The following CACNA1G variants were observed in gnomAD, a reference collection of about 807,000 sequenced individuals.
CACNA1G encodes the protein calcium voltage-gated channel subunit alpha1 G.
In CACNA1G, 67 loss-of-function variants were observed where a neutral mutation model predicts 219.4. The ratio of observed to expected loss-of-function variants is 0.31; its 90% CI spans 0.25 to 0.37. The LOEUF is 0.37. Ranked by LOEUF, CACNA1G falls within the 10% of genes least tolerant of loss-of-function variation. The pLI is 1.00. For synonymous variants in CACNA1G, 1,296 were observed against 1,345.3 expected (o/e 0.96, Z 0.80); for missense variants, 2,380 against 3,231.4 (o/e 0.74, Z 6.39).
chr17:50,624,022 C>T lies in CACNA1G; in HGVS notation c.6176C>T (p.Thr2059Ile), dbSNP rs1223591288. The change falls in exon 36 of 38, where the codon ACT (threonine) becomes ATT (isoleucine). Residue 2059 changes from threonine to isoleucine, a missense_variant. Around this residue, in one of 17 missense-constraint regions of CACNA1G, gnomAD observed 672 missense variants for 670.5 expected, o/e 1.00. Coordinates refer to ENST00000359106, the MANE Select transcript of CACNA1G (RefSeq NM_018896.5). ...AGCTACATGTGTCGGCATGGGAGCA[C>T]TGCCGAGGGGCCCCTGGGACACAGG... is the stretch of plus-strand genomic sequence containing the variant. ...NDSYMCRHGS[T>I]AEGPLGHRGW... 2 of 1,612,976 alleles carry T rather than the reference C, an allele frequency of 1.2e-6. No homozygotes were observed. Among genetic ancestry groups the T allele is most frequent in the South Asian group, 2.2e-5 (2 of 91,070 alleles).
At chr17:50,574,246 A>G (rs58740148) in intron 7 of CACNA1G, among the ~76,000 whole-genome samples, 7,549 of 152,304 alleles carry the variant, frequency 0.05, 648 homozygotes, top group African/African-American at 0.17. Flanking sequence ...TGTCACCAAG[A>G]GGCCAACGAC....
In CACNA1G at chr17:50,626,506, G is replaced by T; in HGVS notation, c.6889G>T (p.Gly2297Trp). The T allele has an allele frequency of 1.3e-6, 2 of 1,579,190 alleles. No individual in the cohort carries two copies. The highest frequency in any genetic ancestry group is 1.4e-5 in the African/African-American group (1 of 73,314). Residue 2297 changes from glycine (G) to tryptophan (W), a missense_variant, in exon 38 of 38, where the codon GGG (glycine) becomes TGG (tryptophan). This residue lies in a region of CACNA1G where 672 missense variants were observed against 670.5 expected (regional missense o/e 1.00). Coordinates refer to ENST00000359106, the MANE Select transcript of CACNA1G (RefSeq NM_018896.5). The surrounding 1 kb of genome is among the most constrained non-coding windows in gnomAD (Gnocchi z 4.3). ...PSNLGGQPLG[G>W]PGSRPKKKLS... The stretch of plus-strand genomic sequence containing the variant: ...TAACCTTGGGGGCCAGCCTCTTGGG[G>T]GGCCTGGGAGCCGGCCCAAGAAAAA...
intron 7 of CACNA1G, 61 bp downstream of exon 7, chr17:50,573,174 TC>T: frequency 8.2e-7 from 1 of 1,223,754 alleles, no homozygotes; most frequent in Non-Finnish European, 1.2e-6. Flanking sequence ...GTGGGGGCAG[TC>T]CAGAGAGGGG....
At chr17:50,619,251 T>A (rs1362721903) in intron 33 of CACNA1G, among the ~76,000 whole-genome samples, 1 of 152,284 alleles carries the variant, frequency 6.6e-6, no homozygotes, top group Admixed American at 6.5e-5. Flanking sequence ...TCCAGCCTGG[T>A]CTGGCCTCCC....
Position 50,567,276 on chromosome 17 carries a change from G to T in CACNA1G, c.243-1594G>T, listed in dbSNP as rs555824255. 2.6e-4 allele frequency among the ~76,000 whole-genome samples: 40 copies of T among 152,284 alleles called. 1 individual carries two copies. The highest frequency in any genetic ancestry group is 7.8e-4 in the Admixed American group (12 of 15,308). ...CTCTTATTCTTGTGAGGGGGTGGGG[G>T]TTAGGGAAACTGCAGTGCATTAGGA... On this transcript the variant is annotated intron_variant, in intron 1 of 37. Coordinates refer to ENST00000359106, the MANE Select transcript of CACNA1G (RefSeq NM_018896.5).
chr17:50,604,984 A>T (rs1472089036), intron 22 of CACNA1G, among the ~76,000 whole-genome samples: 1 of 150,756 alleles, frequency 6.6e-6, no homozygotes, highest in Non-Finnish European at 1.5e-5. Flanking sequence ...TGGGATGTCC[A>T]CTCTGCCCTG....
At chr17:50,577,980 G>C (rs1293743359) in intron 8 of CACNA1G, among the ~76,000 whole-genome samples, 3 of 152,160 alleles carry the variant, frequency 2.0e-5, no homozygotes, top group East Asian at 3.9e-4. Context: ...AGCAGTGACT[G>C]TCAATGAAGT....
rs550406990 is a variant in CACNA1G at position 50,611,666 on chromosome 17, G to C, written c.4759+1731G>C. Among the ~76,000 whole-genome samples the C allele has an allele frequency of 1.7e-3, 266 of 152,292 alleles. 2 individuals are homozygous for C. Among genetic ancestry groups the C allele is most frequent in the African/African-American group, 6.4e-3 (266 of 41,550 alleles). ...GGATGAGGGGAGGGAGGGAAGAAGT[G>C]GCCTTCAGCTTTTCCCTTACGGGCC... On this transcript the variant is annotated intron_variant, in intron 26 of 37. Transcript: ENST00000359106.
Position 50,596,078 on chromosome 17 carries a change from G to T in CACNA1G, c.2980-484G>T, listed in dbSNP as rs2045484204. Among the ~76,000 whole-genome samples the T allele has an allele frequency of 6.6e-6, 1 of 152,122 alleles. No homozygotes were observed. The highest frequency in any genetic ancestry group is 1.5e-5 in the Non-Finnish European group (1 of 67,992). ...GGGACTGAAGTGGCGTCCTCGGGCT[G>T]AGCTGTTCTGTCTGGGGTCTTTCAA... is the stretch of plus-strand genomic sequence containing the variant. On this transcript the variant is annotated intron_variant, in intron 14 of 37. Coordinates refer to ENST00000359106, the MANE Select transcript of CACNA1G (RefSeq NM_018896.5). This position sits in a 1 kb window ranked among gnomAD's most constrained non-coding sequence, Gnocchi z 4.8.
chr17:50,578,173 A>C lies in CACNA1G; in HGVS notation c.1925-15A>C. 8 of 1,544,034 alleles carry C rather than the reference A, an allele frequency of 5.2e-6. No individual in the cohort carries two copies. The highest frequency in any genetic ancestry group is 6.1e-6 in the Non-Finnish European group (7 of 1,145,624). ...CGAGACTCTGGAGCCTCTCACCTCT[A>C]CTCTCCTGTTCCAGGTGCCTGCCAA... is the stretch of plus-strand genomic sequence containing the variant. On this transcript the variant is annotated splice_polypyrimidine_tract_variant and intron_variant, in intron 8 of 37. Coordinates refer to ENST00000359106, the MANE Select transcript of CACNA1G (RefSeq NM_018896.5). This position sits in a 1 kb window ranked among gnomAD's most constrained non-coding sequence, Gnocchi z 4.5.
chr17:50,561,139 G>C lies in CACNA1G; in HGVS notation c.-321G>C. The C allele has an allele frequency of 2.0e-6, 1 of 488,202 alleles. No individual in the cohort carries two copies. Among genetic ancestry groups the C allele is most frequent in the Non-Finnish European group, 3.9e-6 (1 of 258,346 alleles). 30.2% of individuals were successfully genotyped at this position (488,202 alleles called of 1,614,324 possible). A position where few individuals can be genotyped will look rare whatever the true frequency, so the allele number is the denominator to read the frequency against. ...CTTCGCCGAAGGTAGCGCCGAATCC[G>C]GCAACCGGAGCCTGGGCGCGAAGCG... is the stretch of plus-strand genomic sequence containing the variant. On this transcript the variant is annotated 5_prime_UTR_variant, in exon 1 of 38. Coordinates refer to ENST00000359106, the MANE Select transcript of CACNA1G (RefSeq NM_018896.5).
rs1334616204 is a variant in CACNA1G at position 50,618,327 on chromosome 17, G to T, written c.5411G>T (p.Trp1804Leu). 6.2e-7 allele frequency: 1 copy of T among 1,613,760 alleles called. No homozygotes were observed. Among genetic ancestry groups the T allele is most frequent in the African/African-American group, 1.3e-5 (1 of 74,908 alleles). ...TLFRVSTGDN[W>L]NGIMKDTLRD... ...TTCCGAGTCTCCACAGGTGACAATTGGAATGGCATTATGAAGGTAAGGGCC... is the reference window on the plus strand; with the variant it reads ...TTCCGAGTCTCCACAGGTGACAATTTGAATGGCATTATGAAGGTAAGGGCC... The change falls in exon 32 of 38, where the codon TGG becomes TTG. Residue 1804 changes from tryptophan to leucine, a missense_variant. Coordinates refer to ENST00000359106, the MANE Select transcript of CACNA1G (RefSeq NM_018896.5). The surrounding 1 kb of genome is among the most constrained non-coding windows in gnomAD (Gnocchi z 5.3).
At chr17:50,611,111 G>A (rs1193438104) in intron 26 of CACNA1G, among the ~76,000 whole-genome samples, 6 of 152,086 alleles carry the variant, frequency 3.9e-5, no homozygotes, top group South Asian at 2.1e-4. Flanking sequence ...AAAATTAGCC[G>A]GGCGTGGTGG....
In CACNA1G at chr17:50,572,809, C is replaced by T; in HGVS notation, c.1002C>T (p.Ala334=). The change falls in exon 6 of 38, where the codon GCC becomes GCT. Residue 334 remains alanine (A), a synonymous_variant. Coordinates refer to ENST00000359106, the MANE Select transcript of CACNA1G (RefSeq NM_018896.5). ...SAGEHNPFKG[A]INFDNIGYAW... is the part of the protein sequence containing the mutation. ...GGGAGCACAACCCCTTCAAGGGCGC[C>T]ATCAACTTTGACAACATTGGCTATG... is the stretch of plus-strand genomic sequence containing the variant. 1 of 1,613,960 alleles carries T rather than the reference C, an allele frequency of 6.2e-7. No individual in the cohort carries two copies. Among genetic ancestry groups the T allele is most frequent in the Non-Finnish European group, 8.5e-7 (1 of 1,179,896 alleles).
At chr17:50,625,455 G>A (rs1014109516) in intron 37 of CACNA1G, among the ~76,000 whole-genome samples, 3 of 152,342 alleles carry the variant, frequency 2.0e-5, no homozygotes, top group African/African-American at 7.2e-5. Flanking sequence ...GTCTAATAGT[G>A]GAGACATGCC....
chr17:50,589,279 G>A (rs2043656497), intron 9 of CACNA1G, among the ~76,000 whole-genome samples: 1 of 152,006 alleles, frequency 6.6e-6, no homozygotes, highest in African/African-American at 2.4e-5. Flanking sequence ...CCTTGGCTGG[G>A]GAGACTCCAC....
At chr17:50,579,099 C>A (rs1217385433) in intron 9 of CACNA1G, among the ~76,000 whole-genome samples, 2 of 152,082 alleles carry the variant, frequency 1.3e-5, no homozygotes, top group Non-Finnish European at 2.9e-5. Flanking sequence ...GGCCTCCCGT[C>A]TGGGAGCCGT....
chr17:50,578,198 A>G lies in CACNA1G; in HGVS notation c.1935A>G (p.Gln645=). The G allele has an allele frequency of 2.5e-6, 4 of 1,575,390 alleles. No individual in the cohort carries two copies. Among genetic ancestry groups the G allele is most frequent in the Non-Finnish European group, 3.5e-6 (4 of 1,158,914 alleles). ...ACTCTCCTGTTCCAGGTGCCTGCCA[A>G]AGCTCTTGCAAGATCTCCAGCCCTT... The part of the protein sequence containing the change: ...LLETQSTGAC[Q]SSCKISSPCL... Residue 645 remains glutamine (Q), a synonymous_variant, in exon 9 of 38, where the codon CAA becomes CAG. Coordinates refer to ENST00000359106, the MANE Select transcript of CACNA1G (RefSeq NM_018896.5). The surrounding 1 kb of genome is among the most constrained non-coding windows in gnomAD (Gnocchi z 4.5).
chr17:50,611,032 G>C (rs926579927), intron 26 of CACNA1G, among the ~76,000 whole-genome samples: 3 of 151,968 alleles, frequency 2.0e-5, no homozygotes, highest in African/African-American at 7.3e-5. Flanking sequence ...GAGGCGGGCA[G>C]ATCATGAGGT....
Sources: allele counts gnomAD v4.1 joint callset (sites outside exome capture counted in the v4.1 genomes callset), GRCh38; gene constraint gnomAD v4.1.1; regional missense constraint gnomAD v4.1.1; non-coding constraint Gnocchi (gnomAD v3.1); transcripts MANE v1.5; gene names NCBI Gene and HGNC (gene_info 2026-07-23, HGNC 2026-07-21).